Variants in UBR3 observed in about 807,000 individuals in gnomAD.
UBR3 encodes ubiquitin protein ligase E3 component n-recognin 3.
In UBR3, 85 loss-of-function variants were observed where a neutral mutation model predicts 243.2. The ratio of observed to expected loss-of-function variants is 0.35; its 90% confidence interval spans 0.29 to 0.42. The LOEUF (loss-of-function observed/expected upper bound fraction) is 0.42, where lower values mean the gene tolerates loss of function less well. Among genes scored for constraint, UBR3 ranks in the 10% least tolerant of loss-of-function variants. The probability of loss-of-function intolerance (pLI) is 1.00; values close to 1 mark genes in which losing one functional copy is unlikely to be tolerated. For synonymous variants in UBR3, 748 were observed against 799.8 expected, an observed-to-expected ratio of 0.94 and a Z score of 1.09; for missense variants, 1,686 against 2,300.8, an observed-to-expected ratio of 0.73 and a Z score of 5.47.
At chr2:169,835,993 GTCTCTCTCTCTCTCTCTCTCTCTCTCTC>G (rs577838877) in intron 1 of UBR3, among the ~76,000 whole-genome samples, 5 of 30,730 alleles carry the variant, frequency 1.6e-4, no homozygotes, top group East Asian at 9.5e-4. Flanking sequence ...TGTGTGCACT[GTCTCTCTCTCTCTCTCTCTCTCTCTCTC>G]TCTCTCTCTC....
intron 1 of UBR3, among the ~76,000 whole-genome samples, chr2:169,862,886 G>T (rs534601183): frequency 6.6e-6 from 1 of 152,014 alleles, no homozygotes; most frequent in Admixed American, 6.6e-5. Context: ...ATGGGGCGGG[G>T]GTATGACTCT....
intron 1 of UBR3, among the ~76,000 whole-genome samples, chr2:169,831,800 CT>C (rs2081949949): frequency 2.0e-5 from 3 of 152,176 alleles, no homozygotes; most frequent in Admixed American, 2.0e-4. Flanking sequence ...AATGTTTGAA[CT>C]TTTCTAAGTT....
chr2:169,968,108 T>C (rs188176860), intron 24 of UBR3, among the ~76,000 whole-genome samples: 9 of 152,288 alleles, frequency 5.9e-5, no homozygotes, highest in Admixed American at 5.9e-4. Context: ...TACATATTTA[T>C]GAGGCACATG....
chr2:169,906,795 T>G (rs1392490358), intron 10 of UBR3, among the ~76,000 whole-genome samples: 1 of 152,162 alleles, frequency 6.6e-6, no homozygotes, highest in Non-Finnish European at 1.5e-5. Flanking sequence ...TTGCGTGACT[T>G]GGTCAGCTCA....
intron 5 of UBR3, among the ~76,000 whole-genome samples, chr2:169,880,516 T>G: frequency 6.6e-6 from 1 of 152,174 alleles, no homozygotes; most frequent in Admixed American, 6.5e-5. Context: ...AGATTAGCAT[T>G]TGAATTTCCC....
chr2:169,965,340 T>C (rs2087757639), intron 24 of UBR3, among the ~76,000 whole-genome samples: 1 of 152,174 alleles, frequency 6.6e-6, no homozygotes, highest in Non-Finnish European at 1.5e-5. Flanking sequence ...TCTTATTTCA[T>C]ATCTGTGTTG....
intron 20 of UBR3, among the ~76,000 whole-genome samples, chr2:169,943,195 G>A (rs2086656862): frequency 6.6e-6 from 1 of 152,196 alleles, no homozygotes; most frequent in South Asian, 2.1e-4. Flanking sequence ...TCTCACGTAA[G>A]ACAGATTTAT....
chr2:169,911,085 T>A (rs996822444), intron 10 of UBR3, among the ~76,000 whole-genome samples: 4 of 152,166 alleles, frequency 2.6e-5, no homozygotes, highest in Non-Finnish European at 5.9e-5. Context: ...TGAATGCTAT[T>A]TGATTCTTGA....
At chr2:169,925,842 G>A (rs2085889707) in intron 14 of UBR3, 95 bp downstream of exon 14, 8 of 1,155,096 alleles carry the variant, frequency 6.9e-6, no homozygotes, top group African/African-American at 1.6e-5. Flanking sequence ...ATGACATGGA[G>A]AGGCCAATGC....
intron 11 of UBR3, among the ~76,000 whole-genome samples, chr2:169,920,571 G>A (rs911601097): frequency 2.6e-5 from 4 of 152,150 alleles, no homozygotes; most frequent in Admixed American, 6.5e-5. Flanking sequence ...AACTCCTGTC[G>A]CCTGCCTTTG....
At chr2:169,968,767 C>A (rs978962412) in intron 24 of UBR3, among the ~76,000 whole-genome samples, 4 of 152,178 alleles carry the variant, frequency 2.6e-5, no homozygotes, top group Non-Finnish European at 4.4e-5. Context: ...AACCTCCATA[C>A]TGTTTTTCAT....
At chr2:169,917,678 G>T (rs374515147) in intron 11 of UBR3, among the ~76,000 whole-genome samples, 11 of 152,098 alleles carry the variant, frequency 7.2e-5, no homozygotes, top group Admixed American at 2.0e-4. Context: ...AGAACTTAAA[G>T]AATCAAATAA....
Position 169,829,882 on chromosome 2 carries a change from A to C in UBR3, c.545+1830A>C, listed in dbSNP as rs953672130. Among the ~76,000 whole-genome samples the C allele has an allele frequency of 4.0e-5, 6 of 151,126 alleles. No homozygotes were observed. In the South Asian group the frequency reaches 6.2e-4, roughly 16 times the overall value. On this transcript the variant is annotated intron_variant, in intron 1 of 38. Transcript: ENST00000272793. ...AAGTTTTTCTCACATCTAGTCTTCT[A>C]TCTGTCCAGTTCCTTCCCGCTTAGT...
chr2:169,993,881 G>A (rs2089385737), intron 25 of UBR3, among the ~76,000 whole-genome samples: 1 of 152,090 alleles, frequency 6.6e-6, no homozygotes, highest in Non-Finnish European at 1.5e-5. Context: ...CTCAGTGTTT[G>A]AACACTTCCT....
chr2:170,070,601 A>T (rs10930396), intron 35 of UBR3, among the ~76,000 whole-genome samples: 66,947 of 151,986 alleles, frequency 0.44, 15,870 homozygotes, highest in Non-Finnish European at 0.54. Context: ...TCTCCAAAGA[A>T]ACCTATTAGA....
intron 36 of UBR3, 41 bp downstream of exon 36, chr2:170,073,648 A>G (rs1341177588): frequency 3.8e-6 from 6 of 1,589,618 alleles, no homozygotes; most frequent in Non-Finnish European, 4.3e-6. Flanking sequence ...CGGTGGTGAT[A>G]TGCTAATAGG....
At chr2:169,997,483 G>A (rs1290008195) in intron 26 of UBR3, among the ~76,000 whole-genome samples, 1 of 151,968 alleles carries the variant, frequency 6.6e-6, no homozygotes, top group Non-Finnish European at 1.5e-5. Context: ...GGAGTGCTGA[G>A]GTCTGGGCCC....
intron 22 of UBR3, among the ~76,000 whole-genome samples, chr2:169,948,615 C>T (rs193185998): frequency 2.2e-3 from 341 of 152,084 alleles, no homozygotes; most frequent in African/African-American, 7.8e-3. Context: ...TCTTTGACAA[C>T]GTGTTTTCAC....
Position 169,895,229 on chromosome 2 carries a change from T to A in UBR3, c.1154T>A (p.Leu385Gln). 1 of 1,540,902 alleles carries A rather than the reference T, an allele frequency of 6.5e-7. No individual in the cohort carries two copies. Reference sequence around the variant, plus strand: ...AAGCATAAAAGCTTCCTAGAAGAACTATTATTTTGGACTATAAAATATGAA... The same window carrying A: ...AAGCATAAAAGCTTCCTAGAAGAACAATTATTTTGGACTATAAAATATGAA... ...VLKHKSFLEE[L>Q]LFWTIKYEFP... The change falls in exon 7 of 39, where the codon CTA (leucine) becomes CAA (glutamine). Residue 385 changes from leucine to glutamine, a missense_variant. This residue lies in a region of UBR3 where 200 missense variants were observed against 231.6 expected (regional missense o/e 0.86). Coordinates refer to ENST00000272793, the MANE Select transcript of UBR3 (RefSeq NM_172070.4).
Sources: gnomAD v4.1 joint callset for allele counts (sites outside exome capture counted in the v4.1 genomes callset) on GRCh38, gnomAD v4.1.1 for gene constraint, gnomAD v4.1.1 regional missense constraint, MANE v1.5 for transcripts, NCBI Gene and HGNC (gene_info 2026-07-23, HGNC 2026-07-21) for gene names.